SLC30A6: variants seen among roughly 807,000 people sequenced by gnomAD.
SLC30A6 encodes zinc transporter 6.
Under a neutral mutation model 63.0 loss-of-function variants are expected in SLC30A6, and 55 were observed. The ratio of observed to expected loss-of-function variants is 0.87; its 90% confidence interval spans 0.70 to 1.09. SLC30A6 has a LOEUF of 1.09. Among genes scored for constraint, SLC30A6 ranks in the 50% least tolerant of loss-of-function variants. The probability of loss-of-function intolerance (pLI) is 0.00; values close to 1 mark genes in which losing one functional copy is unlikely to be tolerated. For missense variants in SLC30A6, 587 were observed against 549.2 expected, an observed-to-expected ratio of 1.07 and a Z score of -0.69; for synonymous variants, 224 against 186.1, an observed-to-expected ratio of 1.20 and a Z score of -1.66.
chr2:32,204,457 A>G, intron 10 of SLC30A6, 133 bp from the exon 11 acceptor site: 1 of 409,420 alleles, frequency 2.4e-6, no homozygotes, highest in Non-Finnish European at 4.3e-6. Flanking sequence ...CTTTGCAAGT[A>G]GTGGCCAATT....
Position 32,215,500 on chromosome 2 carries a change from T to TTATA in SLC30A6, c.886-4699_886-4696dup, listed in dbSNP as rs71407429. 7.9e-3 allele frequency among the ~76,000 whole-genome samples: 1,061 copies of TTATA among 134,310 alleles called. 29 individuals are homozygous for TTATA. The highest frequency in any genetic ancestry group is 0.026 in the African/African-American group (909 of 34,472). The allele number at this position is 134,310 out of a possible 152,430, so 88.1% of individuals were successfully genotyped here. On this transcript the variant is annotated intron_variant, in intron 13 of 13. Transcript: ENST00000282587. ...ATGAGCTACCATGCCTGGCCATCTA[T>TTATA]TATATATATATATATATTTTTTTTT...
intron 10 of SLC30A6, chr2:32,203,026 C>T (rs1362346876): frequency 8.3e-7 from 1 of 1,204,710 alleles, no homozygotes. Flanking sequence ...GCCATGAATC[C>T]ACACATAAAA....
intron 7 of SLC30A6, 140 bp from the exon 8 acceptor site, chr2:32,193,749 C>A: frequency 1.6e-6 from 1 of 625,750 alleles, no homozygotes; most frequent in Non-Finnish European, 2.8e-6. Flanking sequence ...TAACTAAGTT[C>A]AGATTCTGTA....
rs142937983 is a variant in SLC30A6 at position 32,192,137 on chromosome 2, A to G, written c.285-199A>G. ...CTTCTGAGTCCTAGGAATTGTACAA[A>G]TAGGTACTCCTTGGAATCTGTGATT... On this transcript the variant is annotated intron_variant, in intron 5 of 13. Coordinates refer to ENST00000282587, the MANE Select transcript of SLC30A6 (RefSeq NM_017964.5). Among the ~76,000 whole-genome samples the G allele has an allele frequency of 2.7e-3, 411 of 152,124 alleles. 1 individual carries two copies. Among genetic ancestry groups the G allele is most frequent in the Admixed American group, 6.2e-3 (95 of 15,266 alleles).
chr2:32,190,749 C>T (rs1683256630), intron 5 of SLC30A6, among the ~76,000 whole-genome samples: 1 of 152,146 alleles, frequency 6.6e-6, no homozygotes, highest in Non-Finnish European at 1.5e-5. Flanking sequence ...CTCAGCCTCC[C>T]AGGCAGCTGG....
At chr2:32,209,356 C>T (rs1685056765) in intron 12 of SLC30A6, 137 bp from the exon 13 acceptor site, 1 of 615,938 alleles carries the variant, frequency 1.6e-6, no homozygotes, top group African/African-American at 1.9e-5. Flanking sequence ...TGGTCTGAGA[C>T]TTCTCTTAGC....
At chr2:32,218,179 G>A (rs1007272019) in intron 13 of SLC30A6, among the ~76,000 whole-genome samples, 1 of 152,082 alleles carries the variant, frequency 6.6e-6, no homozygotes, top group African/African-American at 2.4e-5. Flanking sequence ...CCAGCACTTT[G>A]GGAGGCTGAG....
At chr2:32,197,452 CTAT>C (rs1202168785) in intron 9 of SLC30A6, 60 bp downstream of exon 9, 12 of 1,481,526 alleles carry the variant, frequency 8.1e-6, no homozygotes. Context: ...AGAAATGCAT[CTAT>C]CATGGGAACT....
At chr2:32,179,731 A>G (rs1222310236) in intron 4 of SLC30A6, among the ~76,000 whole-genome samples, 4 of 152,194 alleles carry the variant, frequency 2.6e-5, no homozygotes. Flanking sequence ...AAAAGGGGGA[A>G]AGAATAAGAA....
chr2:32,202,560 T>TG, intron 10 of SLC30A6: 1 of 371,736 alleles, frequency 2.7e-6, no homozygotes, highest in Non-Finnish European at 5.1e-6. Context: ...CTCAATCTCC[T>TG]GACCTTGTGA....
chr2:32,173,398 G>A (rs954072262), intron 2 of SLC30A6, among the ~76,000 whole-genome samples: 4 of 148,322 alleles, frequency 2.7e-5, no homozygotes, highest in Admixed American at 6.7e-5. Flanking sequence ...TTTTGAGACA[G>A]AGTCTCGCTC....
At chr2:32,175,605 TAAAGG>T (rs1681662598) in intron 4 of SLC30A6, among the ~76,000 whole-genome samples, 1 of 149,970 alleles carries the variant, frequency 6.7e-6, no homozygotes. Context: ...TTTCTTTGCT[TAAAGG>T]AAAGTAATCT....
At position 32,197,370 on chromosome 2, in the gene SLC30A6, C is replaced by A; in HGVS notation, c.523C>A (p.His175Asn). 1.2e-6 allele frequency: 2 copies of A among 1,613,550 alleles called. No homozygotes were observed. Among genetic ancestry groups the A allele is most frequent in the Non-Finnish European group, 1.7e-6 (2 of 1,179,730 alleles). The change falls in exon 9 of 14, where the codon CAT (histidine) becomes AAT (asparagine). Residue 175 changes from histidine to asparagine, a missense_variant. By Grantham distance (68) the His-to-Asn change is moderately conservative (BLOSUM62 1). Transcript: ENST00000282587. ...EAASTSWLQE[H>N]VADLSRSLCG... ...TGCTAGTACGAGCTGGCTTCAAGAG[C>A]ATGTTGCAGATCTTAGTCGAAGGTA...
Position 32,177,882 on chromosome 2 carries a change from G to A in SLC30A6, c.218+2521G>A, listed in dbSNP as rs553824028. Among the ~76,000 whole-genome samples, 18 of 151,176 alleles carry A rather than the reference G, an allele frequency of 1.2e-4. No individual in the cohort carries two copies. The East Asian group carries it at 1.4e-3, about 11-fold the overall frequency. On this transcript the variant is annotated intron_variant, in intron 4 of 13. Transcript: ENST00000282587. ...AAACTCAAGTCATCTGCCTGCCTCC[G>A]CCTCCCAAAGTGCTAAGATTATGGG...
At chr2:32,201,079 G>A (rs952660278) in intron 10 of SLC30A6, among the ~76,000 whole-genome samples, 1 of 152,062 alleles carries the variant, frequency 6.6e-6, no homozygotes. Context: ...CTCCACCCCA[G>A]GAGCCTTGTC....
chr2:32,217,054 A>C (rs1685774298), intron 13 of SLC30A6, among the ~76,000 whole-genome samples: 1 of 149,270 alleles, frequency 6.7e-6, no homozygotes, highest in African/African-American at 2.4e-5. Context: ...ACGCCCGGCA[A>C]ATTTTTTTTT....
chr2:32,177,089 T>G (rs746040530), intron 4 of SLC30A6, among the ~76,000 whole-genome samples: 13 of 152,076 alleles, frequency 8.5e-5, no homozygotes, highest in Non-Finnish European at 1.5e-4. Flanking sequence ...ATTTTCCTTG[T>G]CTCAAAAAGA....
chr2:32,201,573 C>A, intron 10 of SLC30A6: 1 of 1,348,928 alleles, frequency 7.4e-7, no homozygotes. Context: ...GGCCACTGTG[C>A]CCGGAGGGAG....
chr2:32,184,933 C>T (rs992344078), intron 5 of SLC30A6, among the ~76,000 whole-genome samples: 6 of 152,058 alleles, frequency 3.9e-5, no homozygotes, highest in African/African-American at 1.4e-4. Flanking sequence ...AGAGCAAGTA[C>T]AAAGGATTTT....
Sources: gnomAD v4.1 joint callset for allele counts (sites outside exome capture counted in the v4.1 genomes callset) on GRCh38, gnomAD v4.1.1 for gene constraint, MANE v1.5 for transcripts, NCBI Gene and HGNC (gene_info 2026-07-23, HGNC 2026-07-21) for gene names.